Variants in HEATR5A observed in about 807,000 individuals in gnomAD.
HEATR5A encodes HEAT repeat-containing protein 5A.
A neutral mutation model predicts 218.8 loss-of-function variants in HEATR5A; 178 were observed. The ratio of observed to expected loss-of-function variants is 0.81; its 90% CI spans 0.72 to 0.92. The LOEUF (loss-of-function observed/expected upper bound fraction) is 0.92. Ranked by LOEUF, HEATR5A falls within the 40% of genes least tolerant of loss-of-function variation. The pLI is 0.00. For synonymous variants in HEATR5A, 864 were observed against 871.6 expected (o/e 0.99, Z 0.15); for missense variants, 2,420 against 2,418.9 (o/e 1.00, Z -0.01).
At position 31,293,046 on chromosome 14, in the gene HEATR5A, C is replaced by T; in HGVS notation, c.*259G>A. 2 of 379,328 alleles carry T rather than the reference C, an allele frequency of 5.3e-6. No homozygotes were observed. The highest frequency in any genetic ancestry group is 4.7e-6 in the Non-Finnish European group (1 of 213,812). 23.5% of individuals were successfully genotyped at this position (379,328 alleles called of 1,614,324 possible). ...AGTGGATTGTTTAGTAAGTTTAGTT[C>T]TTTAGCACTTTCTTAAAATTCCTGG... On this transcript the variant is annotated 3_prime_UTR_variant, in exon 36 of 36. Coordinates refer to ENST00000543095, the MANE Select transcript of HEATR5A (RefSeq NM_015473.4).
In HEATR5A at chr14:31,343,930, T is replaced by G; in HGVS notation, c.3194A>C (p.His1065Pro). The G allele has an allele frequency of 6.2e-7, 1 of 1,609,424 alleles. No individual in the cohort carries two copies. The highest frequency in any genetic ancestry group is 1.7e-5 in the Admixed American group (1 of 58,610). The stretch of plus-strand genomic sequence containing the variant: ...GCTAACCAGGCTAGACAAGTTGACA[T>G]GTCGTGGAGCAAACATATGAAGCTG... Reference protein sequence around the residue: ...LQQLHMFAPRHVNLSSLVSCL... With the variant: ...LQQLHMFAPRPVNLSSLVSCL... Residue 1065 changes from histidine to proline, a missense_variant, in exon 21 of 36, where the codon CAT becomes CCT. Transcript: ENST00000543095.
At chr14:31,418,341 A>T (rs749855894) in intron 1 of HEATR5A, among the ~76,000 whole-genome samples, 20 of 152,230 alleles carry the variant, frequency 1.3e-4, no homozygotes, top group Non-Finnish European at 2.6e-4. Context: ...TCTGTAAAGG[A>T]CCAGACAATA....
chr14:31,328,705 C>T (rs890126295), intron 22 of HEATR5A, among the ~76,000 whole-genome samples: 2 of 151,952 alleles, frequency 1.3e-5, no homozygotes, highest in Non-Finnish European at 2.9e-5. Flanking sequence ...CATGGTGAAA[C>T]CCCATCTCAC....
At chr14:31,394,367 A>G (rs2030567551) in intron 5 of HEATR5A, 141 bp from the exon 6 acceptor site, 1 of 482,752 alleles carries the variant, frequency 2.1e-6, no homozygotes, top group South Asian at 4.5e-5. Flanking sequence ...GGAATAATAA[A>G]TGGATACTTA....
intron 33 of HEATR5A, among the ~76,000 whole-genome samples, chr14:31,298,067 G>C (rs974111834): frequency 6.6e-6 from 1 of 151,992 alleles, no homozygotes; most frequent in Non-Finnish European, 1.5e-5. Context: ...TTTTACCTAG[G>C]ATAGATGCAC....
chr14:31,380,526 C>A lies in HEATR5A; in HGVS notation c.1649G>T (p.Arg550Leu). ...AGCTTGTGTGCGCTGAGCTGAAAGG[C>A]GACTGTTTTGAGCAGCAGAACACAG... is the stretch of plus-strand genomic sequence containing the variant. Reference protein sequence around the residue: ...DLLCSAAQNSRLSAQRTQAGW... With the variant: ...DLLCSAAQNSLLSAQRTQAGW... The change falls in exon 11 of 36, where the codon CGC becomes CTC. Residue 550 changes from arginine (R) to leucine (L), a missense_variant. Arg to Leu is a moderately radical substitution (Grantham distance 102, BLOSUM62 -2). Transcript: ENST00000543095. 1 of 1,608,438 alleles carries A rather than the reference C, an allele frequency of 6.2e-7. No homozygotes were observed. Among genetic ancestry groups the A allele is most frequent in the Non-Finnish European group, 8.5e-7 (1 of 1,177,404 alleles).
Position 31,293,279 on chromosome 14 carries a change from A to G in HEATR5A, c.*26T>C. 1.3e-6 allele frequency: 2 copies of G among 1,522,670 alleles called. No homozygotes were observed. The highest frequency in any genetic ancestry group is 2.5e-5 in the South Asian group (2 of 79,718). The allele number at this position is 1,522,670 out of a possible 1,614,324, so 94.3% of individuals were successfully genotyped here. A position where few individuals can be genotyped will look rare whatever the true frequency, so the allele number is the denominator to read the frequency against. On this transcript the variant is annotated 3_prime_UTR_variant, in exon 36 of 36. Coordinates refer to ENST00000543095, the MANE Select transcript of HEATR5A (RefSeq NM_015473.4). ...CAATGATCAAGTATTTATTATATTA[A>G]GGTGCTTACTATTCCAAAAAAAAAA... is the stretch of plus-strand genomic sequence containing the variant.
At chr14:31,362,737 A>G (rs2139237725) in intron 14 of HEATR5A, among the ~76,000 whole-genome samples, 1 of 151,258 alleles carries the variant, frequency 6.6e-6, no homozygotes, top group African/African-American at 2.4e-5. Flanking sequence ...ATGATCACAC[A>G]ACTGCACTCC....
At chr14:31,299,513 A>G (rs1391217124) in intron 33 of HEATR5A, among the ~76,000 whole-genome samples, 1 of 152,018 alleles carries the variant, frequency 6.6e-6, no homozygotes, top group Non-Finnish European at 1.5e-5. Context: ...TGAGGTCAGG[A>G]GTTCGAGACC....
At chr14:31,333,291 C>A (rs931481343) in intron 22 of HEATR5A, among the ~76,000 whole-genome samples, 1 of 152,052 alleles carries the variant, frequency 6.6e-6, no homozygotes, top group Non-Finnish European at 1.5e-5. Context: ...CTCTATCACC[C>A]AGGCTGGAGT....
chr14:31,339,416 C>T (rs1307197450), intron 21 of HEATR5A, among the ~76,000 whole-genome samples: 4 of 127,456 alleles, frequency 3.1e-5, no homozygotes, highest in South Asian at 5.4e-4. Context: ...CACCACTGCA[C>T]TCCAGCCTGG....
chr14:31,303,389 C>A (rs1382669175), intron 32 of HEATR5A, among the ~76,000 whole-genome samples: 1 of 151,976 alleles, frequency 6.6e-6, no homozygotes, highest in African/African-American at 2.4e-5. Flanking sequence ...GCTGAGATCG[C>A]GCCACTGCAC....
chr14:31,388,891 T>G lies in HEATR5A; in HGVS notation c.887A>C (p.Lys296Thr). Reference sequence around the variant, plus strand: ...ATCCCTACTGACTGAACTGGTTCCTTTCAGCATATCTCCACTGGCTCGAAG... The same window carrying G: ...ATCCCTACTGACTGAACTGGTTCCTGTCAGCATATCTCCACTGGCTCGAAG... ...GFLRASGDML[K>T]GTSSVSRDVR... Residue 296 changes from lysine to threonine, a missense_variant, in exon 7 of 36, where the codon AAA (lysine) becomes ACA (threonine). Lys to Thr is a moderately conservative substitution (Grantham distance 78). Coordinates refer to ENST00000543095, the MANE Select transcript of HEATR5A (RefSeq NM_015473.4). 8 of 1,613,964 alleles carry G rather than the reference T, an allele frequency of 5.0e-6. No individual in the cohort carries two copies. The highest frequency in any genetic ancestry group is 6.8e-6 in the Non-Finnish European group (8 of 1,179,858).
chr14:31,387,444 T>A (rs112892714), intron 7 of HEATR5A, 69 bp from the exon 8 acceptor site: 1 of 1,112,730 alleles, frequency 9.0e-7, no homozygotes, highest in Admixed American at 2.7e-5. Flanking sequence ...CCACAAAACA[T>A]GTAGCATTTA....
intron 16 of HEATR5A, among the ~76,000 whole-genome samples, chr14:31,356,377 C>T (rs1901427390): frequency 6.6e-6 from 1 of 152,174 alleles, no homozygotes; most frequent in African/African-American, 2.4e-5. Flanking sequence ...GCTGGGACTA[C>T]AGTTGCACAC....
intron 2 of HEATR5A, 53 bp downstream of exon 2, chr14:31,402,797 G>C (rs2030927859): frequency 6.6e-7 from 1 of 1,507,318 alleles, no homozygotes; most frequent in African/African-American, 1.4e-5. Flanking sequence ...GCAAACCAAA[G>C]GAAGTAAACA....
At chr14:31,381,637 T>C (rs1439019515) in intron 10 of HEATR5A, among the ~76,000 whole-genome samples, 1 of 150,504 alleles carries the variant, frequency 6.6e-6, no homozygotes, top group African/African-American at 2.4e-5. Context: ...TAAAAAGAAT[T>C]AGCCAGGCAA....
chr14:31,379,798 A>G (rs76252538), intron 11 of HEATR5A, among the ~76,000 whole-genome samples: 1 of 152,012 alleles, frequency 6.6e-6, no homozygotes, highest in South Asian at 2.1e-4. Context: ...TACAAAAAAA[A>G]TTTTTTTAAA....
chr14:31,297,999 T>C (rs1378367948), intron 33 of HEATR5A, among the ~76,000 whole-genome samples: 10 of 152,248 alleles, frequency 6.6e-5, no homozygotes, highest in Admixed American at 3.3e-4. Context: ...CTCAGCAAGA[T>C]AAAGTTCTCC....
Sources: allele counts gnomAD v4.1 joint callset (sites outside exome capture counted in the v4.1 genomes callset), GRCh38; gene constraint gnomAD v4.1.1; transcripts MANE v1.5; gene names NCBI Gene and HGNC (gene_info 2026-07-23, HGNC 2026-07-21).